AKAP13: variants seen among roughly 807,000 people sequenced by gnomAD.
AKAP13 encodes the protein A-kinase anchoring protein 13, also known as A-kinase anchor protein 13.
In AKAP13, 80 loss-of-function variants were observed where a neutral mutation model predicts 264.5. That is an observed-to-expected ratio of 0.30 (90% confidence interval 0.25 to 0.36). AKAP13 has a LOEUF of 0.36. Ranked by LOEUF, AKAP13 falls within the 10% of genes least tolerant of loss-of-function variation. The pLI is 1.00. For synonymous variants in AKAP13, 1,380 were observed against 1,250.2 expected, an observed-to-expected ratio of 1.10 and a Z score of -2.19; for missense variants, 3,712 against 3,435.2, an observed-to-expected ratio of 1.08 and a Z score of -2.01.
chr15:85,724,089 A>T lies in AKAP13; in HGVS notation c.6745+769A>T, dbSNP rs1051973091. On this transcript the variant is annotated intron_variant, in intron 26 of 36. Transcript: ENST00000394518. The surrounding 1 kb of genome is among the most constrained non-coding windows in gnomAD (Gnocchi z 4.2). The stretch of plus-strand genomic sequence containing the variant: ...CCGTCGCCCTGGCCTCAGTGAGCTG[A>T]GGACATTGAAGCAGGGTAGGCCAGT... Among the ~76,000 whole-genome samples the T allele has an allele frequency of 2.3e-4, 35 of 152,182 alleles. No homozygotes were observed. The highest frequency in any genetic ancestry group is 7.5e-4 in the African/African-American group (31 of 41,462).
At chr15:85,743,867 G>A in intron 36 of AKAP13, 42 bp downstream of exon 36, 1 of 1,559,026 alleles carries the variant, frequency 6.4e-7, no homozygotes, top group Non-Finnish European at 8.7e-7. Context: ...CATAGTGTCT[G>A]TGCATTCTGA....
At chr15:85,700,627 T>G (rs775776010) in intron 17 of AKAP13, among the ~76,000 whole-genome samples, 8 of 152,228 alleles carry the variant, frequency 5.3e-5, no homozygotes, top group Non-Finnish European at 1.2e-4. Context: ...GGATGTCAGG[T>G]GTTTGGAAGC....
At chr15:85,448,616 A>G (rs139721251) in intron 1 of AKAP13, among the ~76,000 whole-genome samples, 118 of 152,276 alleles carry the variant, frequency 7.7e-4, no homozygotes, top group African/African-American at 2.7e-3. Context: ...CATTTATTGA[A>G]TAGGGAGTCT....
intron 1 of AKAP13, among the ~76,000 whole-genome samples, chr15:85,384,232 C>G (rs572774569): frequency 2.6e-5 from 4 of 152,320 alleles, no homozygotes; most frequent in East Asian, 1.9e-4. Flanking sequence ...ACATTCCTGA[C>G]AAAGCTAGGC....
chr15:85,589,209 T>C (rs2079485341), intron 8 of AKAP13, among the ~76,000 whole-genome samples: 1 of 152,170 alleles, frequency 6.6e-6, no homozygotes, highest in Admixed American at 6.5e-5. Context: ...TTTCACTGGA[T>C]GGGGAAAGAG....
At chr15:85,545,741 T>A (rs775569896) in intron 5 of AKAP13, among the ~76,000 whole-genome samples, 1 of 152,166 alleles carries the variant, frequency 6.6e-6, no homozygotes, top group Admixed American at 6.5e-5. Flanking sequence ...AGTGTGAGAG[T>A]GATTCTAGTA....
chr15:85,504,350 A>AC (rs1379139714), intron 2 of AKAP13, among the ~76,000 whole-genome samples: 2 of 151,616 alleles, frequency 1.3e-5, no homozygotes, highest in Admixed American at 6.6e-5. Flanking sequence ...ATCACTTCTA[A>AC]CTCTTTCATT....
intron 1 of AKAP13, among the ~76,000 whole-genome samples, chr15:85,483,542 C>T (rs567424350): frequency 1.4e-5 from 2 of 145,452 alleles, no homozygotes; most frequent in South Asian, 4.3e-4. Context: ...AGGATAATGG[C>T]GTGAACCCGG....
chr15:85,560,368 A>T (rs2078326920), intron 5 of AKAP13, among the ~76,000 whole-genome samples: 1 of 151,842 alleles, frequency 6.6e-6, no homozygotes, highest in Non-Finnish European at 1.5e-5. Flanking sequence ...CCTGGTCTTG[A>T]ACTCTTAGCC....
intron 8 of AKAP13, among the ~76,000 whole-genome samples, chr15:85,625,958 T>G (rs998531679): frequency 2.0e-5 from 3 of 152,264 alleles, no homozygotes; most frequent in Non-Finnish European, 4.4e-5. Flanking sequence ...ACTTTACATC[T>G]CTTAAGCAGC....
intron 17 of AKAP13, chr15:85,702,823 A>T (rs1344494047): frequency 6.6e-6 from 1 of 152,306 alleles, no homozygotes; most frequent in South Asian, 2.1e-4. Context: ...TTATTTCTCT[A>T]TTATGTAAAG....
rs1295494804 is a variant in AKAP13 at position 85,580,504 on chromosome 15, A to G, written c.2436A>G (p.Gly812=). ...TTGTCCCCTCCCAGAAAGAAAAGGGAACAGCAACTCCTGAACTACATACAG... is the reference window on the plus strand; with the variant it reads ...TTGTCCCCTCCCAGAAAGAAAAGGGGACAGCAACTCCTGAACTACATACAG... ...LSFVPSQKEK[G]TATPELHTAT... is the part of the protein sequence containing the mutation. Residue 812 remains glycine, a synonymous_variant, in exon 7 of 37, where the codon GGA becomes GGG. Transcript: ENST00000394518. 6 of 1,614,088 alleles carry G rather than the reference A, an allele frequency of 3.7e-6. No homozygotes were observed. The highest frequency in any genetic ancestry group is 5.1e-6 in the Non-Finnish European group (6 of 1,180,046).
chr15:85,731,204 C>A (rs1006588614), intron 30 of AKAP13, among the ~76,000 whole-genome samples: 1 of 151,920 alleles, frequency 6.6e-6, no homozygotes, highest in Non-Finnish European at 1.5e-5. Context: ...CAGGGTTTCA[C>A]CATGTTGGCC....
chr15:85,684,929 C>T, intron 16 of AKAP13, 56 bp downstream of exon 16: 1 of 1,554,776 alleles, frequency 6.4e-7, no homozygotes, highest in Non-Finnish European at 8.7e-7. Flanking sequence ...CTGTCACAGC[C>T]TGCATTCACA....
At chr15:85,685,001 C>A in intron 16 of AKAP13, 128 bp downstream of exon 16, 1 of 1,173,120 alleles carries the variant, frequency 8.5e-7, no homozygotes, top group Non-Finnish European at 1.2e-6. Context: ...TCTCCGAAAT[C>A]GCCTAATATT....
At chr15:85,524,139 T>C in intron 3 of AKAP13, among the ~76,000 whole-genome samples, 1 of 152,116 alleles carries the variant, frequency 6.6e-6, no homozygotes, top group Non-Finnish European at 1.5e-5. Flanking sequence ...CTAGTCATTT[T>C]GGCTAAGAGA....
At chr15:85,634,998 G>A (rs1028932448) in intron 8 of AKAP13, 18 of 397,446 alleles carry the variant, frequency 4.5e-5, no homozygotes, top group African/African-American at 3.5e-4. Flanking sequence ...ACTGTTTCTA[G>A]TTTGGAGCTC....
chr15:85,395,353 A>C lies in AKAP13; in HGVS notation c.-12+14555A>C, dbSNP rs78218672. On this transcript the variant is annotated intron_variant, in intron 1 of 36. Coordinates refer to ENST00000394518, the MANE Select transcript of AKAP13 (RefSeq NM_007200.5). ...CCATCCCTTTCCTTCTCTTCTTGAA[A>C]TCTGAAAATTTAAAGGTGGGATGAG... Among the ~76,000 whole-genome samples the C allele has an allele frequency of 7.1e-3, 1,077 of 152,158 alleles. 20 individuals carry two copies. Among genetic ancestry groups the C allele is most frequent in the African/African-American group, 0.025 (1,022 of 41,516 alleles).
chr15:85,440,062 A>C (rs555689868), intron 1 of AKAP13, among the ~76,000 whole-genome samples: 12 of 152,284 alleles, frequency 7.9e-5, no homozygotes, highest in Admixed American at 2.0e-4. Context: ...AGGAAAAAGA[A>C]CACCTAACAA....
Sources: allele counts gnomAD v4.1 joint callset (sites outside exome capture counted in the v4.1 genomes callset), GRCh38; gene constraint gnomAD v4.1.1; non-coding constraint Gnocchi (gnomAD v3.1); transcripts MANE v1.5; gene names NCBI Gene and HGNC (gene_info 2026-07-23, HGNC 2026-07-21).